DOCK1: variants seen among roughly 807,000 people sequenced by gnomAD.
DOCK1 encodes dedicator of cytokinesis protein 1.
A neutral mutation model predicts 262.7 loss-of-function variants in DOCK1; 138 were observed. The observed-to-expected ratio is 0.53, with a 90% CI of 0.46 to 0.61. The LOEUF (loss-of-function observed/expected upper bound fraction) is 0.61, where lower values mean the gene tolerates loss of function less well. Ranked by LOEUF, DOCK1 falls within the 20% of genes least tolerant of loss-of-function variation. The probability of loss-of-function intolerance (pLI) is 0.00; values close to 1 mark genes in which losing one functional copy is unlikely to be tolerated. For synonymous variants in DOCK1, 866 were observed against 867.4 expected (o/e 1.00, Z 0.03); for missense variants, 1,908 against 2,370.7 (o/e 0.80, Z 4.05).
chr10:127,331,364 T>C (rs1468866560), intron 29 of DOCK1, among the ~76,000 whole-genome samples: 1 of 151,996 alleles, frequency 6.6e-6, no homozygotes, highest in Non-Finnish European at 1.5e-5. Flanking sequence ...TCTCTGCAAC[T>C]TCTGCCTCCC....
chr10:126,910,633 G>C (rs1030037272), intron 1 of DOCK1, among the ~76,000 whole-genome samples: 2 of 152,202 alleles, frequency 1.3e-5, no homozygotes, highest in African/African-American at 4.8e-5. Context: ...CTAAGGTTAC[G>C]TCTTGTAAAG....
chr10:127,427,810 C>T (rs150828283), intron 47 of DOCK1, among the ~76,000 whole-genome samples: 4 of 152,372 alleles, frequency 2.6e-5, no homozygotes, highest in African/African-American at 9.6e-5. Flanking sequence ...CGGGCATGAC[C>T]GAACCTTGGT....
At chr10:127,077,002 T>C (rs561774084) in intron 23 of DOCK1, among the ~76,000 whole-genome samples, 3 of 152,172 alleles carry the variant, frequency 2.0e-5, no homozygotes, top group Non-Finnish European at 4.4e-5. Flanking sequence ...GATTAGGGGT[T>C]GGATGCCCTG....
chr10:126,936,173 G>A (rs962454419), intron 1 of DOCK1, among the ~76,000 whole-genome samples: 4 of 152,166 alleles, frequency 2.6e-5, no homozygotes, highest in Admixed American at 6.5e-5. Flanking sequence ...TACAGACAGG[G>A]TTTTGCTATG....
chr10:127,385,480 A>T (rs2066059800), intron 38 of DOCK1, among the ~76,000 whole-genome samples: 1 of 151,996 alleles, frequency 6.6e-6, no homozygotes, highest in Non-Finnish European at 1.5e-5. Context: ...CTGCCACCGA[A>T]GTGACATTGG....
chr10:126,930,566 C>T lies in DOCK1; in HGVS notation c.46+25003C>T, dbSNP rs1055615477. Among the ~76,000 whole-genome samples the T allele has an allele frequency of 2.6e-3, 395 of 152,304 alleles. 4 individuals are homozygous for T. The highest frequency in any genetic ancestry group is 2.4e-3 in the Non-Finnish European group (165 of 68,032). On this transcript the variant is annotated intron_variant, in intron 1 of 51. Coordinates refer to ENST00000623213, the MANE Select transcript of DOCK1 (RefSeq NM_001290223.2). ...TTCTGTCTCCTTAGAGGGGATGCAG[C>T]GCCTCCTCCTGCATTTCCAGGGCTG...
intron 29 of DOCK1, among the ~76,000 whole-genome samples, chr10:127,283,833 T>C (rs1234737282): frequency 1.3e-5 from 2 of 152,226 alleles, no homozygotes; most frequent in Non-Finnish European, 2.9e-5. Flanking sequence ...CAGATAACAT[T>C]GTAGTGAGTG....
At chr10:126,989,740 T>C (rs1433198984) in intron 5 of DOCK1, among the ~76,000 whole-genome samples, 1 of 152,224 alleles carries the variant, frequency 6.6e-6, no homozygotes, top group Non-Finnish European at 1.5e-5. Flanking sequence ...ACGCTTGTAA[T>C]TGCAAGCTGC....
At position 127,241,578 on chromosome 10, in the gene DOCK1, A is replaced by G. The variant is rs79497512; in HGVS notation, c.2848-6430A>G. Among the ~76,000 whole-genome samples, 50 of 152,146 alleles carry G rather than the reference A, an allele frequency of 3.3e-4. 1 individual carries two copies. The East Asian group carries it at 9.3e-3, about 28-fold the overall frequency. On this transcript the variant is annotated intron_variant, in intron 27 of 51. Transcript: ENST00000623213. ...GAGCTGTCATACTTTTGGAACCTCC[A>G]TGCTTAGTATTAGTGCTTATGTTCT...
rs940851101 is a variant in DOCK1 at position 127,121,486 on chromosome 10, C to T, written c.2624-3988C>T. ...GTGTGTGTGTGTGTGTCTATCTGTCCGTCTGTCTGTCCATCTGTCTGTTTT... is the reference window on the plus strand; with the variant it reads ...GTGTGTGTGTGTGTGTCTATCTGTCTGTCTGTCTGTCCATCTGTCTGTTTT... On this transcript the variant is annotated intron_variant, in intron 25 of 51. Transcript: ENST00000623213. Among the ~76,000 whole-genome samples the T allele has an allele frequency of 3.7e-3, 160 of 43,782 alleles. 1 individual carries two copies. Among genetic ancestry groups the T allele is most frequent in the Non-Finnish European group, 7.1e-3 (104 of 14,570 alleles). 28.7% of individuals were successfully genotyped at this position (43,782 alleles called of 152,430 possible). A position where few individuals can be genotyped will look rare whatever the true frequency, so the allele number is the denominator to read the frequency against.
In DOCK1 at chr10:127,070,410, C is replaced by A. The variant is rs548289500; in HGVS notation, c.2445+8634C>A. On this transcript the variant is annotated intron_variant, in intron 23 of 51. Transcript: ENST00000623213. ...CTGGGATTATAGGCACCCACTACCA[C>A]GCCAAGCTAATTTTTGTATTTTTAG... Among the ~76,000 whole-genome samples the A allele has an allele frequency of 3.3e-5, 5 of 151,834 alleles. No individual in the cohort carries two copies. The East Asian group carries it at 5.8e-4, about 18-fold the overall frequency.
In DOCK1 at chr10:127,061,572, G is replaced by A. The variant is rs2045531751; in HGVS notation, c.2337-96G>A. 2.9e-6 allele frequency: 3 copies of A among 1,037,480 alleles called. No homozygotes were observed. In the African/African-American group the frequency reaches 4.8e-5, roughly 17 times the overall value. 64.3% of individuals were successfully genotyped at this position (1,037,480 alleles called of 1,614,324 possible). ...AGGATGTGGTCTCTCATTCTAACTT[G>A]TCACCCAAGTGATTCCCTTCATGGC... On this transcript the variant is annotated intron_variant, in intron 22 of 51. Transcript: ENST00000623213.
At chr10:127,374,267 G>A in intron 35 of DOCK1, 53 bp downstream of exon 35, 1 of 1,553,976 alleles carries the variant, frequency 6.4e-7, no homozygotes. Flanking sequence ...ACCAGAAACT[G>A]AAGCGGGGAT....
At chr10:127,065,297 C>T (rs1440192822) in intron 23 of DOCK1, among the ~76,000 whole-genome samples, 2 of 152,228 alleles carry the variant, frequency 1.3e-5, no homozygotes, top group Non-Finnish European at 2.9e-5. Context: ...AGGCATGAGC[C>T]ACTGTGCCCG....
At chr10:127,412,807 A>G (rs1166328522) in intron 43 of DOCK1, among the ~76,000 whole-genome samples, 1 of 152,196 alleles carries the variant, frequency 6.6e-6, no homozygotes, top group African/African-American at 2.4e-5. Context: ...CCGAGGCCAG[A>G]TTCCTTGTGT....
At chr10:127,130,003 C>G (rs1398468750) in intron 27 of DOCK1, among the ~76,000 whole-genome samples, 1 of 149,892 alleles carries the variant, frequency 6.7e-6, no homozygotes, top group East Asian at 2.0e-4. Context: ...AGTCCAGTCT[C>G]TGGTTAGGGG....
At chr10:127,336,805 C>T (rs1320997353) in intron 29 of DOCK1, among the ~76,000 whole-genome samples, 3 of 152,154 alleles carry the variant, frequency 2.0e-5, no homozygotes, top group African/African-American at 4.8e-5. Context: ...TCCCAAAGTG[C>T]TGGGATTACA....
chr10:127,359,839 G>GA (rs34714306), intron 32 of DOCK1, among the ~76,000 whole-genome samples: 39,351 of 152,022 alleles, frequency 0.26, 5,714 homozygotes, highest in African/African-American at 0.38. Flanking sequence ...GAGTTGCAAA[G>GA]AAAACTAAAG....
chr10:126,946,622 C>A (rs2035428832), intron 1 of DOCK1, among the ~76,000 whole-genome samples: 2 of 152,168 alleles, frequency 1.3e-5, no homozygotes, highest in African/African-American at 4.8e-5. Flanking sequence ...TTTTCTGTCT[C>A]TGAATTTGAC....
Sources: allele counts gnomAD v4.1 joint callset (sites outside exome capture counted in the v4.1 genomes callset), GRCh38; gene constraint gnomAD v4.1.1; transcripts MANE v1.5; gene names NCBI Gene and HGNC (gene_info 2026-07-23, HGNC 2026-07-21).